RNF111: variants seen among roughly 807,000 people sequenced by gnomAD.
RNF111 encodes the protein E3 ubiquitin-protein ligase Arkadia.
In RNF111, 17 loss-of-function variants were observed where a neutral mutation model predicts 95.1. The ratio of observed to expected loss-of-function variants is 0.18; its 90% CI spans 0.12 to 0.27. RNF111 has a LOEUF of 0.27. Ranked by LOEUF, RNF111 falls within the 10% of genes least tolerant of loss-of-function variation. The pLI is 1.00. For synonymous variants in RNF111, 440 were observed against 414.8 expected (o/e 1.06, Z -0.74); for missense variants, 1,189 against 1,210.4 (o/e 0.98, Z 0.26).
At chr15:59,038,687 C>A (rs1314679170) in intron 2 of RNF111, among the ~76,000 whole-genome samples, 1 of 152,140 alleles carries the variant, frequency 6.6e-6, no homozygotes, top group African/African-American at 2.4e-5. Flanking sequence ...ATAGACACTT[C>A]AACACACATG....
chr15:59,080,520 C>G (rs2078709632), intron 7 of RNF111, among the ~76,000 whole-genome samples: 1 of 152,058 alleles, frequency 6.6e-6, no homozygotes, highest in African/African-American at 2.4e-5. Context: ...CTTTCTGTCC[C>G]ACAACTACTT....
chr15:58,995,618 C>T (rs941080445), intron 1 of RNF111, among the ~76,000 whole-genome samples: 25 of 151,926 alleles, frequency 1.6e-4, no homozygotes, highest in South Asian at 2.1e-4. Context: ...CCACCATGCC[C>T]GGCTAATTTT....
At chr15:59,041,961 A>ATTTTTTTTTTTTTTTTTTT (rs79347638) in intron 2 of RNF111, among the ~76,000 whole-genome samples, 3 of 100,108 alleles carry the variant, frequency 3.0e-5, no homozygotes, top group Admixed American at 1.0e-4. Flanking sequence ...GTCTGTTCAT[A>ATTTTTTTTTTTTTTTTTTT]TTTTTTTTTT....
intron 1 of RNF111, among the ~76,000 whole-genome samples, chr15:59,011,881 C>G (rs151274795): frequency 9.9e-4 from 150 of 152,050 alleles, no homozygotes; most frequent in Non-Finnish European, 1.6e-3. Context: ...GGCATATGTT[C>G]CAACTGAAGA....
At chr15:59,001,076 A>C (rs1374885854) in intron 1 of RNF111, among the ~76,000 whole-genome samples, 4 of 152,186 alleles carry the variant, frequency 2.6e-5, no homozygotes, top group African/African-American at 9.7e-5. Flanking sequence ...TATCATGGAT[A>C]AGGAAACATT....
At chr15:59,062,438 T>C (rs2042480225) in intron 5 of RNF111, among the ~76,000 whole-genome samples, 1 of 152,218 alleles carries the variant, frequency 6.6e-6, no homozygotes, top group Non-Finnish European at 1.5e-5. Context: ...GCTCATTATC[T>C]GTCTGACCTC....
chr15:59,078,746 C>G (rs886804221), intron 7 of RNF111, among the ~76,000 whole-genome samples: 1 of 151,812 alleles, frequency 6.6e-6, no homozygotes, highest in Admixed American at 6.6e-5. Context: ...GTAATCGCAG[C>G]TACTCGGGAG....
At chr15:59,085,623 C>T (rs1193103335) in intron 9 of RNF111, 36 bp from the exon 10 acceptor site, 2 of 1,601,288 alleles carry the variant, frequency 1.2e-6, no homozygotes, top group Non-Finnish European at 1.7e-6. Context: ...AAAAGAGACC[C>T]TAAGGAGGAT....
At chr15:59,014,216 C>G (rs192507864) in intron 1 of RNF111, among the ~76,000 whole-genome samples, 3 of 152,248 alleles carry the variant, frequency 2.0e-5, no homozygotes, top group Admixed American at 2.0e-4. Context: ...TGCCCCTATT[C>G]TTTTGTGTGT....
Position 59,031,248 on chromosome 15 carries a change from A to G in RNF111, c.426A>G (p.Ser142=), listed in dbSNP as rs373674143. 132 of 1,614,034 alleles carry G rather than the reference A, an allele frequency of 8.2e-5. No individual in the cohort carries two copies. The highest frequency in any genetic ancestry group is 1.1e-4 in the Non-Finnish European group (126 of 1,180,036). ...SSFSDCLSSP[S]SSLHFGDSDT... is the part of the protein sequence containing the mutation. ...TTAGTGATTGTCTTTCTTCTCCTTC[A>G]TCTAGTCTGCATTTTGGAGATTCTG... The change falls in exon 2 of 14, where the codon TCA becomes TCG. Residue 142 remains serine (S), a synonymous_variant. Coordinates refer to ENST00000348370, the MANE Select transcript of RNF111 (RefSeq NM_017610.8).
chr15:58,997,671 C>T (rs186635832), intron 1 of RNF111, among the ~76,000 whole-genome samples: 9 of 151,546 alleles, frequency 5.9e-5, no homozygotes, highest in Admixed American at 4.6e-4. Context: ...ACAAAATTAG[C>T]AGGGCGTGGT....
intron 9 of RNF111, 194 bp downstream of exon 9, chr15:59,084,448 CAAGCAGGAGTAGTA>C: frequency 2.4e-6 from 1 of 416,490 alleles, no homozygotes; most frequent in Non-Finnish European, 4.2e-6. Context: ...GGAACCATAT[CAAGCAGGAGTAGTA>C]CTTTTTTTAG....
At chr15:59,032,702 A>G (rs760822438) in intron 2 of RNF111, among the ~76,000 whole-genome samples, 1 of 152,068 alleles carries the variant, frequency 6.6e-6, no homozygotes, top group African/African-American at 2.4e-5. Context: ...TTTAAGTACT[A>G]TATTCTTGTT....
chr15:59,065,809 A>G (rs937810037), intron 5 of RNF111, among the ~76,000 whole-genome samples: 3 of 152,098 alleles, frequency 2.0e-5, no homozygotes, highest in Non-Finnish European at 2.9e-5. Flanking sequence ...GAAGGAGCTT[A>G]AGACCAGCCT....
At chr15:58,989,426 T>C (rs1414436193) in intron 1 of RNF111, among the ~76,000 whole-genome samples, 2 of 152,210 alleles carry the variant, frequency 1.3e-5, no homozygotes, top group African/African-American at 4.8e-5. Context: ...ACAACAGTAT[T>C]CTAAGAATTG....
At chr15:59,054,601 C>T (rs1436260020) in intron 3 of RNF111, among the ~76,000 whole-genome samples, 1 of 151,862 alleles carries the variant, frequency 6.6e-6, no homozygotes, top group African/African-American at 2.4e-5. Context: ...ATGTACTATC[C>T]TATGTTGACA....
intron 1 of RNF111, among the ~76,000 whole-genome samples, chr15:59,016,741 AC>A (rs1396107463): frequency 6.6e-6 from 1 of 152,102 alleles, no homozygotes; most frequent in Non-Finnish European, 1.5e-5. Flanking sequence ...ACGGACTGGT[AC>A]CCATCTGTGG....
intron 3 of RNF111, among the ~76,000 whole-genome samples, chr15:59,053,961 A>T (rs1275516071): frequency 6.6e-6 from 1 of 152,058 alleles, no homozygotes; most frequent in Non-Finnish European, 1.5e-5. Flanking sequence ...TTTGAGACAG[A>T]GTCTCCCTCT....
Position 59,094,927 on chromosome 15 carries a change from C to G in RNF111, c.*27C>G. On this transcript the variant is annotated 3_prime_UTR_variant, in exon 14 of 14. Transcript: ENST00000348370. ...ACCATGTTTCAGAACTCTTGCCCTC[C>G]CTCTCATTCCCATCCTTCCTGGTAC... is the stretch of plus-strand genomic sequence containing the variant. 10 of 1,273,778 alleles carry G rather than the reference C, an allele frequency of 7.9e-6. No homozygotes were observed. Among genetic ancestry groups the G allele is most frequent in the Non-Finnish European group, 1.0e-5 (9 of 869,714 alleles). The allele number at this position is 1,273,778 out of a possible 1,614,324, so 78.9% of individuals were successfully genotyped here.
Sources: allele counts gnomAD v4.1 joint callset (sites outside exome capture counted in the v4.1 genomes callset), GRCh38; gene constraint gnomAD v4.1.1; transcripts MANE v1.5; gene names NCBI Gene and HGNC (gene_info 2026-07-23, HGNC 2026-07-21).